AOPEP: variants seen among roughly 807,000 people sequenced by gnomAD.
AOPEP encodes aminopeptidase O.
AOPEP carries 77 observed loss-of-function variants against 98.1 expected under a neutral mutation model. That is an observed-to-expected ratio of 0.78 (90% confidence interval 0.65 to 0.95). AOPEP has a LOEUF of 0.95. Among genes scored for constraint, AOPEP ranks in the 40% least tolerant of loss-of-function variants. AOPEP has a pLI of 0.00. For missense variants in AOPEP, 1,024 were observed against 1,024.7 expected (o/e 1.00, Z 0.01); for synonymous variants, 346 against 365.3 (o/e 0.95, Z 0.60).
At chr9:94,870,802 A>G (rs1300788415) in intron 5 of AOPEP, among the ~76,000 whole-genome samples, 2 of 152,332 alleles carry the variant, frequency 1.3e-5, no homozygotes, top group Admixed American at 1.3e-4. Flanking sequence ...AGAGCCAGAA[A>G]AATTAAAGTC....
chr9:94,843,322 C>G (rs185787565), intron 5 of AOPEP, among the ~76,000 whole-genome samples: 1 of 152,192 alleles, frequency 6.6e-6, no homozygotes, highest in African/African-American at 2.4e-5. Context: ...AAATCCACTT[C>G]AGGAATGTCA....
At chr9:94,880,256 C>T (rs947829243) in intron 5 of AOPEP, among the ~76,000 whole-genome samples, 1 of 152,084 alleles carries the variant, frequency 6.6e-6, no homozygotes, top group Non-Finnish European at 1.5e-5. Context: ...GAAAGGAGTT[C>T]ATCTAACTGG....
At chr9:95,107,140 T>C in the AOPEP span, 1 of 1,614,048 alleles carries the variant, frequency 6.2e-7, no homozygotes, top group Admixed American at 1.7e-5. Context: ...AGGTGCCTGA[T>C]CAGCTGTTGT....
chr9:95,029,512 C>G lies in AOPEP; in HGVS notation c.2115+23896C>G, dbSNP rs77370932. ...CGTGTCACCCTCCTGGGCCCTCACACCTGCCATCCATTCAGTGCCATGCCA... is the reference window on the plus strand; with the variant it reads ...CGTGTCACCCTCCTGGGCCCTCACAGCTGCCATCCATTCAGTGCCATGCCA... On this transcript the variant is annotated intron_variant, in intron 13 of 16. Coordinates refer to ENST00000375315, the MANE Select transcript of AOPEP (RefSeq NM_001193329.3). Among the ~76,000 whole-genome samples the G allele has an allele frequency of 6.9e-3, 1,048 of 152,284 alleles. 10 individuals are homozygous for G. The highest frequency in any genetic ancestry group is 0.024 in the African/African-American group (995 of 41,550).
At chr9:94,906,899 G>A (rs936639511) in intron 5 of AOPEP, among the ~76,000 whole-genome samples, 2 of 152,192 alleles carry the variant, frequency 1.3e-5, no homozygotes, top group Non-Finnish European at 2.9e-5. Flanking sequence ...TTAGGTGTGT[G>A]TTCCCTGAAT....
At chr9:94,939,488 C>G (rs938072358) in intron 7 of AOPEP, among the ~76,000 whole-genome samples, 1 of 152,018 alleles carries the variant, frequency 6.6e-6, no homozygotes, top group Non-Finnish European at 1.5e-5. Context: ...AGAGCTCCTC[C>G]GCCCTTGGTC....
At chr9:94,897,841 C>CTT (rs11396643) in intron 5 of AOPEP, among the ~76,000 whole-genome samples, 5,659 of 139,500 alleles carry the variant, frequency 0.041, 363 homozygotes, top group African/African-American at 0.13. Flanking sequence ...AAAAGTATGC[C>CTT]TTTTTTTTTT....
Position 95,086,008 on chromosome 9 carries a change from G to A in AOPEP, c.*5-674G>A, listed in dbSNP as rs780645604. 5.1e-6 allele frequency: 7 copies of A among 1,366,238 alleles called. No individual in the cohort carries two copies. The East Asian group carries it at 1.8e-4, about 36-fold the overall frequency. 84.6% of individuals were successfully genotyped at this position (1,366,238 alleles called of 1,614,324 possible). A position where few individuals can be genotyped will look rare whatever the true frequency, so the allele number is the denominator to read the frequency against. ...TGAGGCGCTGCTTCTCCGGGCTGTC[G>A]ATTGGACCCGCCCTCCGGTGCCTAC... On this transcript the variant is annotated intron_variant, in intron 16 of 16. Coordinates refer to ENST00000375315, the MANE Select transcript of AOPEP (RefSeq NM_001193329.3).
At chr9:95,026,038 A>C (rs2063810317) in intron 13 of AOPEP, among the ~76,000 whole-genome samples, 1 of 152,164 alleles carries the variant, frequency 6.6e-6, no homozygotes, top group Non-Finnish European at 1.5e-5. Context: ...TTATCTTTAG[A>C]GGAAATTGAA....
intron 14 of AOPEP, among the ~76,000 whole-genome samples, chr9:95,067,250 C>G (rs549399222): frequency 6.6e-6 from 1 of 152,150 alleles, no homozygotes; most frequent in Non-Finnish European, 1.5e-5. Flanking sequence ...GCCGCTCGCA[C>G]GGAGTCAGCT....
At chr9:94,911,642 AT>A (rs1350773638) in intron 5 of AOPEP, among the ~76,000 whole-genome samples, 2 of 152,220 alleles carry the variant, frequency 1.3e-5, no homozygotes, top group Admixed American at 6.5e-5. Flanking sequence ...GGCAAAAGAA[AT>A]TTTTTAAAAA....
the AOPEP span, chr9:95,111,421 C>G: frequency 2.5e-4 from 400 of 1,601,964 alleles, 8 homozygotes; most frequent in South Asian, 4.2e-3. Context: ...CTCAGCCCCC[C>G]AGAGCCCACC....
intron 2 of AOPEP, among the ~76,000 whole-genome samples, chr9:94,770,338 A>G (rs1462740455): frequency 6.6e-6 from 1 of 152,198 alleles, no homozygotes; most frequent in Non-Finnish European, 1.5e-5. Flanking sequence ...CACACTTAGC[A>G]GTTTAAAAGA....
At chr9:95,084,672 C>G (rs143144584) in intron 16 of AOPEP, among the ~76,000 whole-genome samples, 1 of 152,178 alleles carries the variant, frequency 6.6e-6, no homozygotes, top group Admixed American at 6.5e-5. Flanking sequence ...GAATTTTTGC[C>G]CAGGCAGGCA....
At chr9:94,931,473 C>T (rs974534475) in intron 7 of AOPEP, among the ~76,000 whole-genome samples, 1 of 152,108 alleles carries the variant, frequency 6.6e-6, no homozygotes, top group Non-Finnish European at 1.5e-5. Context: ...GTCTAGGTTT[C>T]GTTTACTCCC....
At chr9:94,911,757 C>T (rs1222333891) in intron 5 of AOPEP, among the ~76,000 whole-genome samples, 1 of 152,348 alleles carries the variant, frequency 6.6e-6, no homozygotes, top group East Asian at 1.9e-4. Flanking sequence ...TGCCCAGACC[C>T]TGGTCTCAGT....
chr9:94,786,125 T>C (rs1020835274), intron 3 of AOPEP, among the ~76,000 whole-genome samples: 1 of 152,192 alleles, frequency 6.6e-6, no homozygotes, highest in African/African-American at 2.4e-5. Flanking sequence ...AGCTTGCAGA[T>C]GAAGACTACA....
At chr9:95,070,037 A>G (rs528127756) in intron 14 of AOPEP, among the ~76,000 whole-genome samples, 1 of 152,376 alleles carries the variant, frequency 6.6e-6, no homozygotes, top group Non-Finnish European at 1.5e-5. Context: ...GAGAGAAAAG[A>G]AAAGAATGAA....
At chr9:94,840,328 C>T (rs2042129584) in intron 5 of AOPEP, among the ~76,000 whole-genome samples, 1 of 152,164 alleles carries the variant, frequency 6.6e-6, no homozygotes, top group Non-Finnish European at 1.5e-5. Flanking sequence ...AACCAGCTTT[C>T]CATTGCCATG....
Sources: allele counts gnomAD v4.1 joint callset (sites outside exome capture counted in the v4.1 genomes callset), GRCh38; gene constraint gnomAD v4.1.1; transcripts MANE v1.5; gene names NCBI Gene and HGNC (gene_info 2026-07-23, HGNC 2026-07-21).